Variants in PPP2R5A observed in about 807,000 individuals in gnomAD.
PPP2R5A encodes the protein protein phosphatase 2 regulatory subunit B'alpha, also known as serine/threonine-protein phosphatase 2A 56 kDa regulatory subunit alpha isoform.
In PPP2R5A, 25 loss-of-function variants were observed where a neutral mutation model predicts 64.2. The observed-to-expected ratio is 0.39, with a 90% CI of 0.28 to 0.54. The LOEUF is 0.54. Among genes scored for constraint, PPP2R5A ranks in the 20% least tolerant of loss-of-function variants. PPP2R5A has a pLI of 0.67. For missense variants in PPP2R5A, 425 were observed against 576.3 expected, an observed-to-expected ratio of 0.74 and a Z score of 2.69; for synonymous variants, 198 against 201.2, an observed-to-expected ratio of 0.98 and a Z score of 0.13.
rs1316440085 is a variant in PPP2R5A, at chr1:212,358,536, A to G, written c.1227-150A>G. 6 of 534,314 alleles carry G rather than the reference A, an allele frequency of 1.1e-5. No homozygotes were observed. The East Asian group carries it at 1.9e-4, about 17-fold the overall frequency. 33.1% of individuals were successfully genotyped at this position (534,314 alleles called of 1,614,324 possible). ...CACCACTTGCTGTATGACCTTGAGC[A>G]TATTACAAACCTCTTGAGCCTCAGT... On this transcript the variant is annotated intron_variant, in intron 11 of 12. Coordinates refer to ENST00000261461, the MANE Select transcript of PPP2R5A (RefSeq NM_006243.4).
At chr1:212,288,108 C>A (rs1189754340) in intron 1 of PPP2R5A, among the ~76,000 whole-genome samples, 1 of 152,176 alleles carries the variant, frequency 6.6e-6, no homozygotes, top group Non-Finnish European at 1.5e-5. Flanking sequence ...CCTCCGCCTC[C>A]CGGGTTCAAA....
intron 1 of PPP2R5A, among the ~76,000 whole-genome samples, chr1:212,304,387 C>A (rs1658857096): frequency 6.6e-6 from 1 of 152,098 alleles, no homozygotes; most frequent in African/African-American, 2.4e-5. Flanking sequence ...CCCGTCTCTT[C>A]TTAAAATACA....
In PPP2R5A at chr1:212,286,212, G is replaced by A; in HGVS notation, c.102G>A (p.Arg34=). ...FTRKSVRKAQ[R]QKRSQGSSQF... ...GGAAATCGGTCCGCAAGGCGCAGAG[G>A]CAGAAGCGCTCCCAGGGCTCGTCGC... The change falls in exon 1 of 13, where the codon AGG becomes AGA. Residue 34 remains arginine (R), a synonymous_variant. Transcript: ENST00000261461. 6.3e-7 allele frequency: 1 copy of A among 1,576,614 alleles called. No homozygotes were observed. The highest frequency in any genetic ancestry group is 8.6e-7 in the Non-Finnish European group (1 of 1,162,538).
chr1:212,289,917 G>A (rs1028331602), intron 1 of PPP2R5A, among the ~76,000 whole-genome samples: 2 of 152,140 alleles, frequency 1.3e-5, no homozygotes, highest in Non-Finnish European at 2.9e-5. Context: ...ATGGAAATAG[G>A]ATTAAGTCAG....
chr1:212,352,562 G>C (rs1392837091), intron 8 of PPP2R5A, among the ~76,000 whole-genome samples: 1 of 151,654 alleles, frequency 6.6e-6, no homozygotes, highest in African/African-American at 2.4e-5. Context: ...TGATCCTCCT[G>C]CCTTAGCCTC....
intron 1 of PPP2R5A, among the ~76,000 whole-genome samples, chr1:212,304,497 C>T (rs991084518): frequency 9.9e-5 from 15 of 151,716 alleles, no homozygotes; most frequent in African/African-American, 2.7e-4. Flanking sequence ...TGTGGTGAGC[C>T]GAGATCACGC....
At chr1:212,342,845 C>G (rs1216784651) in intron 4 of PPP2R5A, among the ~76,000 whole-genome samples, 1 of 145,992 alleles carries the variant, frequency 6.8e-6, no homozygotes, top group Admixed American at 6.9e-5. Context: ...ATTGTGATGC[C>G]TTCTTTTTTT....
chr1:212,350,130 A>G (rs1659850349), intron 8 of PPP2R5A, among the ~76,000 whole-genome samples: 1 of 152,204 alleles, frequency 6.6e-6, no homozygotes, highest in African/African-American at 2.4e-5. Flanking sequence ...TATATTATGA[A>G]CCTTCTCAGG....
In PPP2R5A at chr1:212,286,207, C is replaced by A. The variant is rs996038513; in HGVS notation, c.97C>A (p.Gln33Lys). 1.3e-6 allele frequency: 2 copies of A among 1,579,626 alleles called. No individual in the cohort carries two copies. Among genetic ancestry groups the A allele is most frequent in the Admixed American group, 1.8e-5 (1 of 56,220 alleles). Residue 33 changes from glutamine to lysine, a missense_variant, in exon 1 of 13, where the codon CAG (glutamine) becomes AAG (lysine). Gln to Lys is a moderately conservative substitution (Grantham distance 53). Transcript: ENST00000261461. ...GFTRKSVRKA[Q>K]RQKRSQGSSQ... Reference sequence around the variant, plus strand: ...CACCCGGAAATCGGTCCGCAAGGCGCAGAGGCAGAAGCGCTCCCAGGGCTC... The same window carrying A: ...CACCCGGAAATCGGTCCGCAAGGCGAAGAGGCAGAAGCGCTCCCAGGGCTC...
At chr1:212,330,724 A>G (rs1289446541) in intron 2 of PPP2R5A, among the ~76,000 whole-genome samples, 4 of 152,164 alleles carry the variant, frequency 2.6e-5, no homozygotes, top group South Asian at 4.1e-4. Flanking sequence ...AGTAGGAAAT[A>G]TAAGTTTGGC....
rs1030274014 is a variant in PPP2R5A, at chr1:212,345,656, A to G, written c.574-147A>G. On this transcript the variant is annotated intron_variant, in intron 4 of 12. Transcript: ENST00000261461. ...ATTTCCTAAGCTTTTCCTCACCTTC[A>G]TTACTTAGCAAGAATAAAGTCAGTG... is the stretch of plus-strand genomic sequence containing the variant. The G allele has an allele frequency of 6.7e-5, 41 of 612,666 alleles. No individual in the cohort carries two copies. The African/African-American group carries it at 7.3e-4, about 11-fold the overall frequency. The allele number at this position is 612,666 out of a possible 1,614,324, so 38.0% of individuals were successfully genotyped here. A position where few individuals can be genotyped will look rare whatever the true frequency, so the allele number is the denominator to read the frequency against.
At chr1:212,340,727 A>T (rs193072474) in intron 3 of PPP2R5A, among the ~76,000 whole-genome samples, 1 of 152,218 alleles carries the variant, frequency 6.6e-6, no homozygotes, top group Non-Finnish European at 1.5e-5. Context: ...CCTTTTCCAC[A>T]GTTGGGCAGA....
intron 1 of PPP2R5A, among the ~76,000 whole-genome samples, chr1:212,320,730 A>T (rs1571590770): frequency 7.5e-6 from 1 of 133,434 alleles, no homozygotes; most frequent in African/African-American, 2.8e-5. Context: ...GGCCGGGCAG[A>T]GGGGCTCCTC....
At chr1:212,320,617 C>T (rs1334604684) in intron 1 of PPP2R5A, among the ~76,000 whole-genome samples, 6 of 147,302 alleles carry the variant, frequency 4.1e-5, no homozygotes, top group South Asian at 2.1e-4. Flanking sequence ...GCTGGCCGGG[C>T]GGGGGGCTGA....
intron 3 of PPP2R5A, among the ~76,000 whole-genome samples, chr1:212,337,095 C>A (rs762420364): frequency 1.8e-4 from 27 of 152,068 alleles, no homozygotes; most frequent in Non-Finnish European, 2.1e-4. Flanking sequence ...GAAGAAAGGA[C>A]CACAAGGAAG....
intron 2 of PPP2R5A, 106 bp downstream of exon 2, chr1:212,329,437 C>A: frequency 9.9e-7 from 1 of 1,007,026 alleles, no homozygotes; most frequent in Non-Finnish European, 1.4e-6. Flanking sequence ...TTAATACATC[C>A]CCCAAATTTT....
chr1:212,349,612 G>T (rs1334301679), intron 8 of PPP2R5A, among the ~76,000 whole-genome samples: 1 of 152,038 alleles, frequency 6.6e-6, no homozygotes, highest in African/African-American at 2.4e-5. Flanking sequence ...CTACTCCCTT[G>T]AATTTTGTTT....
chr1:212,304,930 A>T (rs1658868077), intron 1 of PPP2R5A, among the ~76,000 whole-genome samples: 1 of 150,446 alleles, frequency 6.6e-6, no homozygotes, highest in Admixed American at 6.6e-5. Context: ...ATGGGGTTTC[A>T]CCATGTTGGC....
At chr1:212,309,862 C>T (rs1478377915) in intron 1 of PPP2R5A, among the ~76,000 whole-genome samples, 1 of 152,106 alleles carries the variant, frequency 6.6e-6, no homozygotes, top group Non-Finnish European at 1.5e-5. Flanking sequence ...GTGATACCCA[C>T]CACCACAGAT....
Sources: gnomAD v4.1 joint callset for allele counts (sites outside exome capture counted in the v4.1 genomes callset) on GRCh38, gnomAD v4.1.1 for gene constraint, MANE v1.5 for transcripts, NCBI Gene and HGNC (gene_info 2026-07-23, HGNC 2026-07-21) for gene names.